Variants in SMYD3 observed in about 807,000 individuals in gnomAD.
SMYD3 encodes the protein histone-lysine N-methyltransferase SMYD3.
SMYD3 carries 36 observed loss-of-function variants against 57.7 expected under a neutral mutation model. That is an observed-to-expected ratio of 0.62 (90% confidence interval 0.48 to 0.82). SMYD3 has a LOEUF of 0.82. Among genes scored for constraint, SMYD3 ranks in the 40% least tolerant of loss-of-function variants. The pLI is 0.00. For synonymous variants in SMYD3, 211 were observed against 195.0 expected (o/e 1.08, Z -0.68); for missense variants, 515 against 538.8 (o/e 0.96, Z 0.44).
intron 10 of SMYD3, among the ~76,000 whole-genome samples, chr1:245,771,338 T>C (rs1041640656): frequency 2.6e-5 from 4 of 152,194 alleles, no homozygotes. Context: ...GATAGACATA[T>C]GAAAGTTCAT....
intron 5 of SMYD3, among the ~76,000 whole-genome samples, chr1:246,042,816 C>A (rs900046989): frequency 2.6e-5 from 4 of 152,246 alleles, no homozygotes; most frequent in Admixed American, 1.3e-4. Context: ...CCCCAGAAAC[C>A]CTGTATTTAC....
chr1:246,458,561 C>T (rs1440177966), intron 1 of SMYD3, among the ~76,000 whole-genome samples: 1 of 148,792 alleles, frequency 6.7e-6, no homozygotes, highest in Non-Finnish European at 1.5e-5. Context: ...ATTCTCCTGC[C>T]TCAGTCTCCC....
intron 10 of SMYD3, among the ~76,000 whole-genome samples, chr1:245,775,374 T>C (rs912377565): frequency 1.5e-4 from 23 of 152,078 alleles, no homozygotes; most frequent in African/African-American, 4.3e-4. Context: ...CTAAGAAAAA[T>C]TCTTCTGCCT....
chr1:245,859,914 G>A (rs990045943), intron 9 of SMYD3, among the ~76,000 whole-genome samples: 2 of 152,124 alleles, frequency 1.3e-5, no homozygotes, highest in Admixed American at 6.5e-5. Context: ...AATGACTCAC[G>A]TCAACGTAAG....
chr1:246,377,112 C>T (rs1012740822), intron 1 of SMYD3, among the ~76,000 whole-genome samples: 7 of 151,544 alleles, frequency 4.6e-5, no homozygotes, highest in Non-Finnish European at 1.0e-4. Flanking sequence ...ATAATAATAA[C>T]GTATTAATTC....
chr1:246,135,692 A>G (rs2061656346), intron 5 of SMYD3, among the ~76,000 whole-genome samples: 1 of 152,168 alleles, frequency 6.6e-6, no homozygotes, highest in Admixed American at 6.5e-5. Flanking sequence ...TTATATATGC[A>G]TAATGTATAC....
intron 5 of SMYD3, among the ~76,000 whole-genome samples, chr1:246,155,578 A>G (rs1051256573): frequency 2.0e-5 from 3 of 152,218 alleles, no homozygotes; most frequent in Non-Finnish European, 2.9e-5. Context: ...AAATACAATC[A>G]TTCACTTATT....
At chr1:246,477,271 G>T (rs1040976879) in intron 1 of SMYD3, among the ~76,000 whole-genome samples, 4 of 152,084 alleles carry the variant, frequency 2.6e-5, no homozygotes, top group African/African-American at 9.7e-5. Flanking sequence ...TATAATCAAT[G>T]AATTTGTTAG....
intron 2 of SMYD3, among the ~76,000 whole-genome samples, chr1:246,352,552 T>C: frequency 6.6e-6 from 1 of 152,170 alleles, no homozygotes; most frequent in East Asian, 1.9e-4. Flanking sequence ...TAACTCCCCC[T>C]CCACACACAC....
chr1:246,221,014 A>G (rs2063246109), intron 5 of SMYD3, among the ~76,000 whole-genome samples: 1 of 151,858 alleles, frequency 6.6e-6, no homozygotes, highest in Admixed American at 6.6e-5. Flanking sequence ...GACCAGCTGC[A>G]GAGAGGAGCT....
chr1:246,075,341 A>G (rs2060528464), intron 5 of SMYD3, among the ~76,000 whole-genome samples: 1 of 152,234 alleles, frequency 6.6e-6, no homozygotes, highest in South Asian at 2.1e-4. Context: ...TCAGTCTTAC[A>G]TGGTAAGAAC....
At chr1:245,954,672 A>C (rs1378803571) in intron 5 of SMYD3, among the ~76,000 whole-genome samples, 1 of 152,222 alleles carries the variant, frequency 6.6e-6, no homozygotes, top group Non-Finnish European at 1.5e-5. Context: ...TGACACAGCA[A>C]GACTGTCGCA....
At chr1:246,362,449 CT>C (rs2066004837) in intron 1 of SMYD3, among the ~76,000 whole-genome samples, 2 of 17,406 alleles carry the variant, frequency 1.1e-4, no homozygotes, top group African/African-American at 1.6e-4. Context: ...CGGTCTCCCT[CT>C]CCCTCTCCCT....
At chr1:245,850,823 C>T (rs1213345078) in intron 10 of SMYD3, among the ~76,000 whole-genome samples, 2 of 152,182 alleles carry the variant, frequency 1.3e-5, no homozygotes, top group Non-Finnish European at 2.9e-5. Context: ...GAGAAGGCAT[C>T]CTCTGGTGGC....
At chr1:245,937,939 A>G (rs2147880086) in intron 5 of SMYD3, among the ~76,000 whole-genome samples, 1 of 152,362 alleles carries the variant, frequency 6.6e-6, no homozygotes, top group Middle Eastern at 3.4e-3. Context: ...TGAATTAGAT[A>G]TGGCAGCGTG....
At chr1:245,808,021 T>C (rs1478201910) in intron 10 of SMYD3, among the ~76,000 whole-genome samples, 1 of 151,944 alleles carries the variant, frequency 6.6e-6, no homozygotes, top group Non-Finnish European at 1.5e-5. Context: ...AAAATCAAAA[T>C]GAGGACAGAA....
At chr1:245,847,809 A>G (rs1316938214) in intron 10 of SMYD3, among the ~76,000 whole-genome samples, 1 of 152,210 alleles carries the variant, frequency 6.6e-6, no homozygotes, top group Non-Finnish European at 1.5e-5. Context: ...GGCTTGTTCA[A>G]GTTAAAAAAA....
At chr1:246,351,070 C>T (rs887100281) in intron 2 of SMYD3, among the ~76,000 whole-genome samples, 10 of 152,190 alleles carry the variant, frequency 6.6e-5, no homozygotes, top group Non-Finnish European at 1.5e-4. Flanking sequence ...CTGTTAAGTG[C>T]TTACTAATGT....
chr1:246,088,624 G>A (rs992123891), intron 5 of SMYD3, among the ~76,000 whole-genome samples: 7 of 151,574 alleles, frequency 4.6e-5, no homozygotes, highest in African/African-American at 1.7e-4. Context: ...AAAAAAAAAA[G>A]TTAAGAGTAA....
Sources: gnomAD v4.1 joint callset for allele counts (sites outside exome capture counted in the v4.1 genomes callset) on GRCh38, gnomAD v4.1.1 for gene constraint, MANE v1.5 for transcripts, NCBI Gene and HGNC (gene_info 2026-07-23, HGNC 2026-07-21) for gene names.